The following GRIN2A variants were observed in gnomAD, a reference collection of about 807,000 sequenced individuals.
GRIN2A encodes the protein glutamate ionotropic receptor NMDA type subunit 2A.
Under a neutral mutation model 113.4 loss-of-function variants are expected in GRIN2A, and 22 were observed. That is an observed-to-expected ratio of 0.19 (90% CI 0.14 to 0.28). The LOEUF (loss-of-function observed/expected upper bound fraction) is 0.28. Ranked by LOEUF, GRIN2A falls within the 10% of genes least tolerant of loss-of-function variation. The pLI, the probability that GRIN2A is intolerant of heterozygous loss-of-function variation, is 1.00. For missense variants in GRIN2A, 1,502 were observed against 1,887.0 expected, an observed-to-expected ratio of 0.80 and a Z score of 3.78; for synonymous variants, 827 against 738.4, an observed-to-expected ratio of 1.12 and a Z score of -1.94.
chr16:9,914,904 GCTTT>G (rs2044212809), intron 3 of GRIN2A, among the ~76,000 whole-genome samples: 5 of 48,716 alleles, frequency 1.0e-4, no homozygotes, highest in Admixed American at 3.2e-4. Flanking sequence ...TGATTATGCA[GCTTT>G]TTTTTTTTTT....
chr16:10,099,751 C>T (rs1328049972), intron 2 of GRIN2A, among the ~76,000 whole-genome samples: 1 of 152,218 alleles, frequency 6.6e-6, no homozygotes, highest in Non-Finnish European at 1.5e-5. Context: ...CAGGACCCTC[C>T]TTCACTCCCA....
intron 2 of GRIN2A, among the ~76,000 whole-genome samples, chr16:10,089,043 G>C (rs1469081573): frequency 6.6e-6 from 1 of 152,146 alleles, no homozygotes; most frequent in Non-Finnish European, 1.5e-5. Flanking sequence ...AAAATGGGAT[G>C]ACAATAAGAA....
chr16:10,010,977 A>G (rs529662703), intron 2 of GRIN2A, among the ~76,000 whole-genome samples: 28 of 152,194 alleles, frequency 1.8e-4, no homozygotes, highest in Non-Finnish European at 3.4e-4. Flanking sequence ...TTGCTGGGTT[A>G]TTCCTGTAAC....
At chr16:10,109,804 G>A (rs1278466414) in intron 2 of GRIN2A, among the ~76,000 whole-genome samples, 5 of 152,020 alleles carry the variant, frequency 3.3e-5, no homozygotes, top group Non-Finnish European at 7.4e-5. Flanking sequence ...TTTCCATGAT[G>A]TGATTATTTC....
At position 10,046,812 on chromosome 16, in the gene GRIN2A, C is replaced by T. The variant is rs566329629; in HGVS notation, c.415-108261G>A. 5.9e-5 allele frequency among the ~76,000 whole-genome samples: 9 copies of T among 152,292 alleles called. No individual in the cohort carries two copies. The East Asian group carries it at 1.7e-3, about 29-fold the overall frequency. ...GTATCATTACATTTTCAGTCCCTAC[C>T]ACCCCCTTCAGAGGGTGGCACGTCT... On this transcript the variant is annotated intron_variant, in intron 2 of 12. Transcript: ENST00000330684.
At chr16:10,106,548 C>A (rs994307022) in intron 2 of GRIN2A, among the ~76,000 whole-genome samples, 2 of 151,878 alleles carry the variant, frequency 1.3e-5, no homozygotes, top group African/African-American at 4.8e-5. Flanking sequence ...ATTCTAAGTC[C>A]CTTGAAGATA....
At chr16:10,045,406 T>C (rs1205522412) in intron 2 of GRIN2A, among the ~76,000 whole-genome samples, 1 of 110,534 alleles carries the variant, frequency 9.0e-6, no homozygotes, top group Non-Finnish European at 1.8e-5. Flanking sequence ...CTCAGGCCTC[T>C]TGCAAATTTT....
At chr16:10,176,601 A>G (rs2142375443) in intron 2 of GRIN2A, among the ~76,000 whole-genome samples, 1 of 151,806 alleles carries the variant, frequency 6.6e-6, no homozygotes, top group South Asian at 2.1e-4. Context: ...ACGCAAGGAC[A>G]AAAAACCAAA....
intron 2 of GRIN2A, among the ~76,000 whole-genome samples, chr16:10,004,629 T>A (rs2046375112): frequency 6.6e-6 from 1 of 152,194 alleles, no homozygotes; most frequent in Admixed American, 6.5e-5. Context: ...CAGCATTCCT[T>A]GGTTCATGGC....
In GRIN2A at chr16:9,901,924, G is replaced by A. The variant is rs1471772837; in HGVS notation, c.1008-10824C>T. Among the ~76,000 whole-genome samples the A allele has an allele frequency of 5.9e-5, 9 of 152,174 alleles. No individual in the cohort carries two copies. In the East Asian group the frequency reaches 1.7e-3, roughly 29 times the overall value. ...AGTAAGAGCGATCACTTAAGGATAAGGGACTAAAATGTATTTAGCCTCTAA... is the reference window on the plus strand; with the variant it reads ...AGTAAGAGCGATCACTTAAGGATAAAGGACTAAAATGTATTTAGCCTCTAA... On this transcript the variant is annotated intron_variant, in intron 3 of 12. Coordinates refer to ENST00000330684, the MANE Select transcript of GRIN2A (RefSeq NM_001134407.3).
At chr16:9,792,863 T>C (rs2141213516) in intron 11 of GRIN2A, among the ~76,000 whole-genome samples, 1 of 152,294 alleles carries the variant, frequency 6.6e-6, no homozygotes, top group African/African-American at 2.4e-5. Context: ...TGCAGCTTGG[T>C]TTAGTAGGAA....
At chr16:9,880,258 C>T (rs1029208187) in intron 4 of GRIN2A, among the ~76,000 whole-genome samples, 3 of 152,150 alleles carry the variant, frequency 2.0e-5, no homozygotes, top group East Asian at 1.9e-4. Context: ...TGCCTAGAGG[C>T]CCCTGCATTC....
chr16:10,080,082 T>C (rs989844476), intron 2 of GRIN2A, among the ~76,000 whole-genome samples: 1 of 152,226 alleles, frequency 6.6e-6, no homozygotes, highest in African/African-American at 2.4e-5. Flanking sequence ...ATACACCACA[T>C]ACAGTAAGTG....
chr16:9,882,023 A>G (rs2043490492), intron 4 of GRIN2A, among the ~76,000 whole-genome samples: 1 of 152,000 alleles, frequency 6.6e-6, no homozygotes, highest in Admixed American at 6.6e-5. Flanking sequence ...AACTTTTTTG[A>G]AGACTACTGA....
intron 5 of GRIN2A, among the ~76,000 whole-genome samples, chr16:9,842,858 G>A (rs1194635383): frequency 6.6e-6 from 1 of 152,126 alleles, no homozygotes; most frequent in South Asian, 2.1e-4. Context: ...TTCAATCTGG[G>A]AGGTAGAGGT....
intron 2 of GRIN2A, among the ~76,000 whole-genome samples, chr16:10,009,486 C>T (rs2046463998): frequency 1.3e-5 from 2 of 152,106 alleles, no homozygotes; most frequent in South Asian, 2.1e-4. Flanking sequence ...CCATAAGTGC[C>T]CTTTTATTTG....
intron 2 of GRIN2A, among the ~76,000 whole-genome samples, chr16:10,067,744 A>T (rs2047676819): frequency 6.6e-6 from 1 of 151,686 alleles, no homozygotes; most frequent in African/African-American, 2.4e-5. Flanking sequence ...TCCCACCCCC[A>T]CCCCAAGGGA....
In GRIN2A at chr16:9,763,221, G is replaced by C. The variant is rs1246423634; in HGVS notation, c.4323C>G (p.Thr1441=). Residue 1441 remains threonine (T), a synonymous_variant, in exon 13 of 13, where the codon ACC becomes ACG. Coordinates refer to ENST00000330684, the MANE Select transcript of GRIN2A (RefSeq NM_001134407.3). ...YAANKNNMYS[T]PRVLNSCSNR... ...TGCTGCAGGAATTTAAAACCCTGGG[G>C]GTAGAGTACATATTATTCTTATTTG... 1.2e-6 allele frequency: 2 copies of C among 1,613,842 alleles called. No individual in the cohort carries two copies. The highest frequency in any genetic ancestry group is 1.1e-5 in the South Asian group (1 of 91,070).
intron 2 of GRIN2A, among the ~76,000 whole-genome samples, chr16:10,096,405 G>A (rs533703584): frequency 3.1e-4 from 47 of 152,232 alleles, no homozygotes; most frequent in Non-Finnish European, 4.7e-4. Context: ...CTTCGGTGGT[G>A]TACCGGCAAC....
Sources: gnomAD v4.1 joint callset for allele counts (sites outside exome capture counted in the v4.1 genomes callset) on GRCh38, gnomAD v4.1.1 for gene constraint, MANE v1.5 for transcripts, NCBI Gene and HGNC (gene_info 2026-07-23, HGNC 2026-07-21) for gene names.